The following SNX3 variants were observed in gnomAD, a reference collection of about 807,000 sequenced individuals.
SNX3 encodes sorting nexin 3.
SNX3 carries 5 observed loss-of-function variants against 17.7 expected under a neutral mutation model. The observed-to-expected ratio is 0.28, with a 90% CI of 0.15 to 0.59. The LOEUF (loss-of-function observed/expected upper bound fraction) is 0.59. Ranked by LOEUF, SNX3 falls within the 20% of genes least tolerant of loss-of-function variation. SNX3 has a pLI of 0.88. For missense variants in SNX3, 132 were observed against 206.8 expected, an observed-to-expected ratio of 0.64 and a Z score of 2.22; for synonymous variants, 91 against 76.5, an observed-to-expected ratio of 1.19 and a Z score of -0.99.
chr6:108,219,363 TG>T (rs1289811795), intron 2 of SNX3, among the ~76,000 whole-genome samples: 1 of 151,698 alleles, frequency 6.6e-6, no homozygotes, highest in Non-Finnish European at 1.5e-5. Flanking sequence ...CCCAGCACTT[TG>T]GGAGGCCAAG....
intron 2 of SNX3, among the ~76,000 whole-genome samples, chr6:108,221,133 T>C (rs1456295626): frequency 3.3e-5 from 5 of 152,186 alleles, no homozygotes; most frequent in African/African-American, 4.8e-5. Context: ...TACAATCTTA[T>C]GAATTTATAA....
At chr6:108,215,917 A>T (rs1774558307) in intron 2 of SNX3, among the ~76,000 whole-genome samples, 1 of 151,938 alleles carries the variant, frequency 6.6e-6, no homozygotes, top group Admixed American at 6.6e-5. Flanking sequence ...TGACAGCGAG[A>T]CCCCGTCTTA....
Position 108,260,936 on chromosome 6 carries a change from T to TGCCGCCGCCGCGGGCTCCCTCCGCC in SNX3, c.-40_-16dup. 3.2e-6 allele frequency: 5 copies of TGCCGCCGCCGCGGGCTCCCTCCGCC among 1,554,720 alleles called. No individual in the cohort carries two copies. Among genetic ancestry groups the TGCCGCCGCCGCGGGCTCCCTCCGCC allele is most frequent in the Non-Finnish European group, 4.3e-6 (5 of 1,151,978 alleles). On this transcript the variant is annotated 5_prime_UTR_variant, in exon 1 of 4. Transcript: ENST00000230085. ...GTCTCCGCCATTTCGCTGTAGCTGC[T>TGCCGCCGCCGCGGGCTCCCTCCGCC]GCCGCCGCCGCGGGCTCCCTCCGCC...
intron 1 of SNX3, among the ~76,000 whole-genome samples, chr6:108,254,328 G>A (rs536165985): frequency 6.6e-6 from 1 of 152,194 alleles, no homozygotes; most frequent in South Asian, 2.1e-4. Flanking sequence ...GCCAGGCATA[G>A]TGGCGTGCTC....
intron 1 of SNX3, among the ~76,000 whole-genome samples, chr6:108,245,973 G>T (rs1473560041): frequency 6.6e-6 from 1 of 152,150 alleles, no homozygotes; most frequent in East Asian, 1.9e-4. Flanking sequence ...TTTGGCTTTT[G>T]TTGCAATTGC....
chr6:108,215,940 A>G (rs607938), intron 2 of SNX3, among the ~76,000 whole-genome samples: 3,805 of 152,228 alleles, frequency 0.025, 160 homozygotes, highest in African/African-American at 0.083. Context: ...AAAAAAATAA[A>G]TTTTTAAAAA....
intron 3 of SNX3, among the ~76,000 whole-genome samples, chr6:108,213,893 G>A: frequency 6.6e-6 from 1 of 152,204 alleles, no homozygotes; most frequent in Non-Finnish European, 1.5e-5. Context: ...ATTACAGTGA[G>A]GTCTTTCTTG....
chr6:108,220,533 G>A (rs1774730895), intron 2 of SNX3, among the ~76,000 whole-genome samples: 1 of 152,154 alleles, frequency 6.6e-6, no homozygotes, highest in African/African-American at 2.4e-5. Context: ...GCCTAGGTGT[G>A]TAGTAGGCTA....
At chr6:108,212,280 T>A in intron 3 of SNX3, 26 bp from the exon 4 acceptor site, 1 of 1,464,398 alleles carries the variant, frequency 6.8e-7, no homozygotes, top group African/African-American at 1.4e-5. Context: ...ATAAATTTAG[T>A]CCAATATTTT....
chr6:108,212,177 T>A lies in SNX3; in HGVS notation c.461A>T (p.Tyr154Phe). ...GGCATGTCTTATTTTAGATGGAGTA[T>A]AGCTTTTATCTATTATTTCATCTTG... Reference protein sequence around the residue: ...FLQDEIIDKSYTPSKIRHA With the variant: ...FLQDEIIDKSFTPSKIRHA Residue 154 changes from tyrosine to phenylalanine, a missense_variant, in exon 4 of 4, where the codon TAT becomes TTT. Coordinates refer to ENST00000230085, the MANE Select transcript of SNX3 (RefSeq NM_003795.6). 1 of 1,608,700 alleles carries A rather than the reference T, an allele frequency of 6.2e-7. No individual in the cohort carries two copies. Among genetic ancestry groups the A allele is most frequent in the Non-Finnish European group, 8.5e-7 (1 of 1,177,504 alleles).
At position 108,211,934 on chromosome 6, in the gene SNX3, A is replaced by G; in HGVS notation, c.*215T>C. 2 of 447,366 alleles carry G rather than the reference A, an allele frequency of 4.5e-6. No individual in the cohort carries two copies. Among genetic ancestry groups the G allele is most frequent in the Non-Finnish European group, 7.9e-6 (2 of 252,662 alleles). 27.7% of individuals were successfully genotyped at this position (447,366 alleles called of 1,614,324 possible). A position where few individuals can be genotyped will look rare whatever the true frequency, so the allele number is the denominator to read the frequency against. On this transcript the variant is annotated 3_prime_UTR_variant, in exon 4 of 4. Transcript: ENST00000230085. ...GTGCACCACATTAAAACAGCAAGAA[A>G]GAGCTATTTATATAGAAAGGCTGGA...
At chr6:108,226,262 C>T (rs1774971138) in intron 1 of SNX3, among the ~76,000 whole-genome samples, 1 of 152,050 alleles carries the variant, frequency 6.6e-6, no homozygotes, top group Non-Finnish European at 1.5e-5. Context: ...TTTGGTGAGA[C>T]AGGGTTTCAC....
At chr6:108,260,236 AATTGTCAGGCTTCT>A (rs1776147878) in intron 1 of SNX3, among the ~76,000 whole-genome samples, 3 of 152,248 alleles carry the variant, frequency 2.0e-5, no homozygotes, top group Middle Eastern at 3.4e-3. Context: ...CCCTATCAAA[AATTGTCAGGCTTCT>A]GTGAACTTTC....
intron 2 of SNX3, among the ~76,000 whole-genome samples, chr6:108,219,728 T>C (rs181737511): frequency 6.6e-6 from 1 of 152,374 alleles, no homozygotes; most frequent in Admixed American, 6.5e-5. Context: ...TCCCACTGAA[T>C]GACAATGCTA....
intron 1 of SNX3, among the ~76,000 whole-genome samples, chr6:108,249,123 A>G (rs1297808409): frequency 6.6e-6 from 1 of 152,200 alleles, no homozygotes; most frequent in Non-Finnish European, 1.5e-5. Flanking sequence ...CAGAAGACTG[A>G]GGCAGATAAG....
rs369148097 is a variant in SNX3, at chr6:108,259,383, G to A, written c.162+1377C>T. Among the ~76,000 whole-genome samples the A allele has an allele frequency of 1.2e-4, 19 of 152,254 alleles. 1 individual carries two copies. In the East Asian group the frequency reaches 2.3e-3, roughly 19 times the overall value. ...CGAGTAGCTGGGATTACAGGCATGC[G>A]CCACCACACCCGGCTAATTTTGTAT... On this transcript the variant is annotated intron_variant, in intron 1 of 3. Transcript: ENST00000230085.
At chr6:108,247,555 A>C (rs1332937512) in intron 1 of SNX3, among the ~76,000 whole-genome samples, 4 of 148,106 alleles carry the variant, frequency 2.7e-5, no homozygotes, top group Non-Finnish European at 6.0e-5. Context: ...AAAAACAAAC[A>C]AAAAAAAACA....
At chr6:108,250,731 A>G (rs1775828715) in intron 1 of SNX3, among the ~76,000 whole-genome samples, 1 of 152,192 alleles carries the variant, frequency 6.6e-6, no homozygotes, top group Non-Finnish European at 1.5e-5. Flanking sequence ...TTCATCCCAC[A>G]AGGGCAGGAC....
chr6:108,236,347 T>A (rs1032661986), intron 1 of SNX3, among the ~76,000 whole-genome samples: 18 of 149,014 alleles, frequency 1.2e-4, no homozygotes, highest in East Asian at 7.8e-4. Context: ...TATATATATA[T>A]AAAACAGTTT....
Sources: allele counts gnomAD v4.1 joint callset (sites outside exome capture counted in the v4.1 genomes callset), GRCh38; gene constraint gnomAD v4.1.1; transcripts MANE v1.5; gene names NCBI Gene and HGNC (gene_info 2026-07-23, HGNC 2026-07-21).